Variants in OPCML observed in about 807,000 individuals in gnomAD.
OPCML encodes opioid binding protein/cell adhesion molecule like.
In OPCML, 13 loss-of-function variants were observed where a neutral mutation model predicts 37.8. The observed-to-expected ratio is 0.34, with a 90% CI of 0.22 to 0.55. The LOEUF (loss-of-function observed/expected upper bound fraction) is 0.55, where lower values mean the gene tolerates loss of function less well. Among genes scored for constraint, OPCML ranks in the 20% least tolerant of loss-of-function variants. The pLI is 0.91. For synonymous variants in OPCML, 176 were observed against 168.8 expected, an observed-to-expected ratio of 1.04 and a Z score of -0.33; for missense variants, 341 against 435.6, an observed-to-expected ratio of 0.78 and a Z score of 1.93.
chr11:132,822,535 C>T (rs1395665631), intron 2 of OPCML, among the ~76,000 whole-genome samples: 1 of 152,016 alleles, frequency 6.6e-6, no homozygotes, highest in East Asian at 1.9e-4. Context: ...CGCGCACACA[C>T]TCATGCACTG....
Position 133,258,552 on chromosome 11 carries a change from C to T in OPCML, c.61+273712G>A, listed in dbSNP as rs147577816. On this transcript the variant is annotated intron_variant, in intron 1 of 7. Coordinates refer to ENST00000524381, the MANE Select transcript of OPCML (RefSeq NM_001012393.5). ...AGAGGTTATGATGATTGAGCTTCTA[C>T]AGGAGGTTTTCCTGAGCATGGAAAT... is the stretch of plus-strand genomic sequence containing the variant. Among the ~76,000 whole-genome samples the T allele has an allele frequency of 9.2e-4, 140 of 152,312 alleles. 4 individuals carry two copies. The East Asian group carries it at 0.023, about 25-fold the overall frequency.
chr11:132,468,612 C>T (rs1251116331), intron 4 of OPCML, among the ~76,000 whole-genome samples: 1 of 152,112 alleles, frequency 6.6e-6, no homozygotes, highest in East Asian at 1.9e-4. Flanking sequence ...AGAAAACATC[C>T]CAAGTATTCC....
At chr11:132,696,239 C>T (rs1049399132) in intron 2 of OPCML, among the ~76,000 whole-genome samples, 8 of 152,110 alleles carry the variant, frequency 5.3e-5, no homozygotes, top group African/African-American at 1.9e-4. Flanking sequence ...CACATAAGCA[C>T]CTAGATGCTT....
intron 1 of OPCML, among the ~76,000 whole-genome samples, chr11:133,273,143 G>T (rs900818171): frequency 1.3e-5 from 2 of 152,132 alleles, no homozygotes; most frequent in Non-Finnish European, 1.5e-5. Context: ...TCCCTAGGAC[G>T]CACGACTATC....
intron 1 of OPCML, among the ~76,000 whole-genome samples, chr11:133,307,285 C>T (rs1377393652): frequency 6.6e-6 from 1 of 151,950 alleles, no homozygotes; most frequent in African/African-American, 2.4e-5. Context: ...AGTTTTTAGA[C>T]AGGAAGAATC....
chr11:132,712,619 G>A (rs1438510796), intron 2 of OPCML, among the ~76,000 whole-genome samples: 3 of 152,250 alleles, frequency 2.0e-5, no homozygotes, highest in Non-Finnish European at 2.9e-5. Context: ...TCCGCGCCGC[G>A]TGTCAATAAA....
At position 133,056,939 on chromosome 11, in the gene OPCML, G is replaced by A. The variant is rs533871020; in HGVS notation, c.62-113929C>T. ...GCTCACCACAACCTCCGCCTTCCGGGTTCAAGTGATTCTCCTGCCTCAGCC... is the reference window on the plus strand; with the variant it reads ...GCTCACCACAACCTCCGCCTTCCGGATTCAAGTGATTCTCCTGCCTCAGCC... On this transcript the variant is annotated intron_variant, in intron 1 of 7. Transcript: ENST00000524381. Among the ~76,000 whole-genome samples the A allele has an allele frequency of 5.9e-5, 9 of 152,296 alleles. No homozygotes were observed. The East Asian group carries it at 1.2e-3, about 20-fold the overall frequency.
At chr11:133,260,266 G>T (rs1941450512) in intron 1 of OPCML, among the ~76,000 whole-genome samples, 1 of 151,982 alleles carries the variant, frequency 6.6e-6, no homozygotes, top group Non-Finnish European at 1.5e-5. Context: ...ATCCAGTAGG[G>T]CTCTGGAGGC....
chr11:133,532,337 G>GTGC lies in OPCML; in HGVS notation c.-16_-14dup, dbSNP rs1948623630. ...CAGGATGGTACATCTCGACGCTGCG[G>GTGC]TGCTCTCAGCTGCCGGGCTTGCTAC... On this transcript the variant is annotated 5_prime_UTR_variant, in exon 1 of 8. Transcript: ENST00000524381. 1.9e-6 allele frequency: 3 copies of GTGC among 1,612,494 alleles called. No homozygotes were observed. Among genetic ancestry groups the GTGC allele is most frequent in the Non-Finnish European group, 2.5e-6 (3 of 1,179,376 alleles).
chr11:132,857,497 C>A (rs541906280), intron 2 of OPCML, among the ~76,000 whole-genome samples: 1 of 152,250 alleles, frequency 6.6e-6, no homozygotes, highest in East Asian at 1.9e-4. Flanking sequence ...TATCAAAGAA[C>A]AATATCCACA....
At chr11:132,784,096 C>T (rs1947122793) in intron 2 of OPCML, among the ~76,000 whole-genome samples, 1 of 152,130 alleles carries the variant, frequency 6.6e-6, no homozygotes, top group African/African-American at 2.4e-5. Flanking sequence ...AAACTTTGAT[C>T]TGCAACCTGT....
intron 1 of OPCML, among the ~76,000 whole-genome samples, chr11:133,014,353 G>A (rs1027170140): frequency 2.6e-5 from 4 of 151,848 alleles, no homozygotes; most frequent in African/African-American, 9.7e-5. Flanking sequence ...TTTTGTTATA[G>A]GGATCTGTTT....
chr11:133,276,390 T>A lies in OPCML; in HGVS notation c.61+255874A>T, dbSNP rs555438180. Among the ~76,000 whole-genome samples the A allele has an allele frequency of 7.9e-5, 12 of 152,172 alleles. No homozygotes were observed. The South Asian group carries it at 2.3e-3, about 29-fold the overall frequency. ...AGTGGGGAGGTTCTTCAGACTTCAC[T>A]CTCAGGAGTAGGCAGTGGGGTCAAC... On this transcript the variant is annotated intron_variant, in intron 1 of 7. Coordinates refer to ENST00000524381, the MANE Select transcript of OPCML (RefSeq NM_001012393.5).
chr11:132,646,823 G>A (rs930028021), intron 3 of OPCML, among the ~76,000 whole-genome samples: 1 of 152,114 alleles, frequency 6.6e-6, no homozygotes, highest in East Asian at 1.9e-4. Context: ...CCAAGTTGAG[G>A]AGCTAAGAAA....
intron 7 of OPCML, among the ~76,000 whole-genome samples, chr11:132,431,470 T>C (rs1217372806): frequency 6.6e-6 from 1 of 152,230 alleles, no homozygotes; most frequent in Non-Finnish European, 1.5e-5. Flanking sequence ...GTCTAAAATA[T>C]GGCTGTGAGT....
At chr11:132,786,732 G>A (rs773084829) in intron 2 of OPCML, among the ~76,000 whole-genome samples, 26 of 152,174 alleles carry the variant, frequency 1.7e-4, no homozygotes, top group Non-Finnish European at 3.4e-4. Context: ...TCTGTGTATA[G>A]TAGGCATTCA....
intron 4 of OPCML, among the ~76,000 whole-genome samples, chr11:132,444,417 G>A (rs901573465): frequency 1.3e-5 from 2 of 152,146 alleles, no homozygotes; most frequent in African/African-American, 4.8e-5. Context: ...TCAGAAACAT[G>A]CATGAATTTG....
At chr11:132,568,348 C>T (rs752187391) in intron 3 of OPCML, among the ~76,000 whole-genome samples, 6 of 152,162 alleles carry the variant, frequency 3.9e-5, no homozygotes, top group African/African-American at 1.4e-4. Context: ...GAATCATCTC[C>T]GTTGTACAGA....
At chr11:133,478,708 CTTTCTGT>C (rs1947302130) in intron 1 of OPCML, among the ~76,000 whole-genome samples, 1 of 152,184 alleles carries the variant, frequency 6.6e-6, no homozygotes, top group South Asian at 2.1e-4. Context: ...TAAAACGATA[CTTTCTGT>C]TTCATGTTTC....
Sources: allele counts gnomAD v4.1 joint callset (sites outside exome capture counted in the v4.1 genomes callset), GRCh38; gene constraint gnomAD v4.1.1; transcripts MANE v1.5; gene names NCBI Gene and HGNC (gene_info 2026-07-23, HGNC 2026-07-21).